Variants in ZBTB20 observed in about 807,000 individuals in gnomAD.
ZBTB20 encodes zinc finger and BTB domain-containing protein 20.
Under a neutral mutation model 56.9 loss-of-function variants are expected in ZBTB20, and 9 were observed. That is an observed-to-expected ratio of 0.16 (90% CI 0.10 to 0.28). The LOEUF is 0.28. Among genes scored for constraint, ZBTB20 ranks in the 10% least tolerant of loss-of-function variants. The pLI is 1.00. For synonymous variants in ZBTB20, 417 were observed against 420.7 expected, an observed-to-expected ratio of 0.99 and a Z score of 0.11; for missense variants, 655 against 1,003.0, an observed-to-expected ratio of 0.65 and a Z score of 4.69.
chr3:115,086,581 A>C (rs1035329617), intron 1 of ZBTB20, among the ~76,000 whole-genome samples: 1 of 151,886 alleles, frequency 6.6e-6, no homozygotes, highest in Non-Finnish European at 1.5e-5. Context: ...CACAGTTGTA[A>C]ATCAAATGTG....
At chr3:114,560,558 G>A (rs1199337117) in intron 6 of ZBTB20, among the ~76,000 whole-genome samples, 2 of 152,194 alleles carry the variant, frequency 1.3e-5, no homozygotes, top group East Asian at 3.8e-4. Context: ...CCATGTCCAA[G>A]CCTTTCACCA....
At chr3:115,125,418 C>CTGTCATTG (rs1456288856) in intron 1 of ZBTB20, among the ~76,000 whole-genome samples, 2 of 151,936 alleles carry the variant, frequency 1.3e-5, no homozygotes, top group Non-Finnish European at 2.9e-5. Context: ...GAAGAAAATT[C>CTGTCATTG]TGTCATTGTG....
chr3:114,857,630 T>G (rs2075312023), intron 4 of ZBTB20, among the ~76,000 whole-genome samples: 1 of 152,146 alleles, frequency 6.6e-6, no homozygotes, highest in Non-Finnish European at 1.5e-5. Flanking sequence ...AGGAAAGCAA[T>G]TTACATCTCA....
chr3:114,505,776 G>A (rs945116459), intron 6 of ZBTB20, among the ~76,000 whole-genome samples: 11 of 152,198 alleles, frequency 7.2e-5, no homozygotes, highest in African/African-American at 2.6e-4. Flanking sequence ...TTCAAAGGAT[G>A]AGGCACTATT....
At chr3:114,349,746 G>C (rs1560109614) in intron 11 of ZBTB20, among the ~76,000 whole-genome samples, 1 of 152,074 alleles carries the variant, frequency 6.6e-6, no homozygotes, top group African/African-American at 2.4e-5. Flanking sequence ...TATATGCTTG[G>C]AAGTACTCTA....
Position 114,327,459 on chromosome 3 carries a change from C to G in ZBTB20, c.*11546G>C, listed in dbSNP as rs796451405. The G allele has an allele frequency of 3.3e-5, 5 of 151,566 alleles. No individual in the cohort carries two copies. Among genetic ancestry groups the G allele is most frequent in the African/African-American group, 1.2e-4 (5 of 41,306 alleles). The allele number at this position is 151,566 out of a possible 1,614,324, so 9.4% of individuals were successfully genotyped here. On this transcript the variant is annotated 3_prime_UTR_variant, in exon 12 of 12. Coordinates refer to ENST00000675478, the MANE Select transcript of ZBTB20 (RefSeq NM_001348800.3). The stretch of plus-strand genomic sequence containing the variant: ...GAGTACTTTAAGAAAAAAAAAATAC[C>G]AGGAGTTAGAATGGACAAAGAAAAA...
intron 5 of ZBTB20, among the ~76,000 whole-genome samples, chr3:114,750,737 T>C (rs1473708162): frequency 6.6e-6 from 1 of 152,216 alleles, no homozygotes; most frequent in Non-Finnish European, 1.5e-5. Flanking sequence ...TCTGCAGCCA[T>C]TTTCCATATG....
intron 4 of ZBTB20, among the ~76,000 whole-genome samples, chr3:114,889,526 A>G (rs1484766329): frequency 6.6e-6 from 1 of 152,092 alleles, no homozygotes; most frequent in Non-Finnish European, 1.5e-5. Context: ...ATTCCTATAT[A>G]ATCAGGTAGA....
rs1159960549 is a variant in ZBTB20, at chr3:114,320,095, T to C, written c.*18910A>G. ...CCATTGAACTACCAGGTTCCTTTTA[T>C]ATTTTCAGCATTGTAGTTTAAACTA... is the stretch of plus-strand genomic sequence containing the variant. On this transcript the variant is annotated 3_prime_UTR_variant, in exon 12 of 12. Coordinates refer to ENST00000675478, the MANE Select transcript of ZBTB20 (RefSeq NM_001348800.3). 1 of 152,220 alleles carries C rather than the reference T, an allele frequency of 6.6e-6. No individual in the cohort carries two copies. Among genetic ancestry groups the C allele is most frequent in the African/African-American group, 2.4e-5 (1 of 41,452 alleles). 9.4% of individuals were successfully genotyped at this position (152,220 alleles called of 1,614,324 possible). A position where few individuals can be genotyped will look rare whatever the true frequency, so the allele number is the denominator to read the frequency against.
Position 114,933,965 on chromosome 3 carries a change from A to T in ZBTB20, c.-455-33623T>A, listed in dbSNP as rs147989824. 1.7e-3 allele frequency among the ~76,000 whole-genome samples: 264 copies of T among 152,316 alleles called. 1 individual carries two copies. The highest frequency in any genetic ancestry group is 6.1e-3 in the African/African-American group (254 of 41,574). On this transcript the variant is annotated intron_variant, in intron 3 of 11. Transcript: ENST00000675478. ...TTTTTTGCTACCTCCATTGCACTGC[A>T]TTCAGAATCATCCTTCCTTCCTTCC... is the stretch of plus-strand genomic sequence containing the variant.
chr3:114,915,376 A>T (rs1366834223), intron 3 of ZBTB20, among the ~76,000 whole-genome samples: 2 of 151,952 alleles, frequency 1.3e-5, no homozygotes. Context: ...TGCTTATAGT[A>T]GCTTCTAATG....
At chr3:114,991,404 T>C (rs1186162417) in intron 2 of ZBTB20, among the ~76,000 whole-genome samples, 2 of 152,110 alleles carry the variant, frequency 1.3e-5, no homozygotes, top group African/African-American at 4.8e-5. Context: ...GTTTCCGTAG[T>C]TGAGTGGTTT....
chr3:115,132,958 A>C (rs1434751035), intron 1 of ZBTB20, among the ~76,000 whole-genome samples: 1 of 152,232 alleles, frequency 6.6e-6, no homozygotes, highest in Non-Finnish European at 1.5e-5. Context: ...ATTTTGATTC[A>C]CTGTTAATAT....
intron 3 of ZBTB20, among the ~76,000 whole-genome samples, chr3:114,923,107 G>A (rs918481884): frequency 2.6e-5 from 4 of 152,154 alleles, no homozygotes; most frequent in Non-Finnish European, 4.4e-5. Context: ...AATATTGCAC[G>A]TTCGTGAATT....
chr3:114,391,546 A>G (rs1448299490), intron 7 of ZBTB20, among the ~76,000 whole-genome samples: 1 of 152,352 alleles, frequency 6.6e-6, no homozygotes, highest in East Asian at 1.9e-4. Context: ...ACCAATTAGA[A>G]TGGTTATTTG....
chr3:114,522,443 C>T (rs1035366125), intron 6 of ZBTB20, among the ~76,000 whole-genome samples: 1 of 152,054 alleles, frequency 6.6e-6, no homozygotes, highest in Non-Finnish European at 1.5e-5. Context: ...GGCTTTTCTT[C>T]CAAGTGAGAT....
chr3:114,521,202 T>A (rs1241936355), intron 6 of ZBTB20, among the ~76,000 whole-genome samples: 1 of 152,108 alleles, frequency 6.6e-6, no homozygotes, highest in Non-Finnish European at 1.5e-5. Context: ...GACAAAAAAA[T>A]TTGGGACCTC....
intron 1 of ZBTB20, among the ~76,000 whole-genome samples, chr3:115,107,048 A>G (rs2083743357): frequency 6.6e-6 from 1 of 152,270 alleles, no homozygotes; most frequent in African/African-American, 2.4e-5. Flanking sequence ...TATTAAACAC[A>G]TCCTTATCTT....
At chr3:114,995,178 C>T (rs562485691) in intron 2 of ZBTB20, among the ~76,000 whole-genome samples, 1 of 151,966 alleles carries the variant, frequency 6.6e-6, no homozygotes, top group South Asian at 2.1e-4. Flanking sequence ...AAAGGTGGAA[C>T]TGTAAACACA....
Sources: allele counts gnomAD v4.1 joint callset (sites outside exome capture counted in the v4.1 genomes callset), GRCh38; gene constraint gnomAD v4.1.1; transcripts MANE v1.5; gene names NCBI Gene and HGNC (gene_info 2026-07-23, HGNC 2026-07-21).